Variants in CELA3B observed in about 807,000 individuals in gnomAD.
CELA3B encodes chymotrypsin like elastase 3B, also known as chymotrypsin-like elastase family member 3B.
Under a neutral mutation model 37.2 loss-of-function variants are expected in CELA3B, and 34 were observed. That is an observed-to-expected ratio of 0.91 (90% CI 0.70 to 1.22). The LOEUF (loss-of-function observed/expected upper bound fraction) is 1.22. Among genes scored for constraint, CELA3B ranks in the 50% most tolerant of loss-of-function variants. CELA3B has a pLI of 0.00. For missense variants in CELA3B, 340 were observed against 363.1 expected (o/e 0.94, Z 0.52); for synonymous variants, 127 against 143.5 (o/e 0.89, Z 0.82).
intron 4 of CELA3B, among the ~76,000 whole-genome samples, chr1:21,997,579 C>G (rs1259860441): frequency 6.7e-6 from 1 of 149,702 alleles, no homozygotes. Flanking sequence ...TCCCAGCTAC[C>G]TGGGAGGCTG....
chr1:21,988,969 GTA>G (rs200514403), intron 7 of CELA3B, among the ~76,000 whole-genome samples: 1 of 151,356 alleles, frequency 6.6e-6, no homozygotes, highest in African/African-American at 2.4e-5. Context: ...ACACACAGAC[GTA>G]TATATATACA....
intron 7 of CELA3B, among the ~76,000 whole-genome samples, chr1:21,988,855 A>G (rs1248365328): frequency 1.3e-5 from 2 of 151,078 alleles, no homozygotes; most frequent in Non-Finnish European, 3.0e-5. Flanking sequence ...GTGCCACTGC[A>G]CTCCAGCCTG....
At chr1:21,982,646 A>T (rs1644812261) in intron 4 of CELA3B, among the ~76,000 whole-genome samples, 1 of 151,992 alleles carries the variant, frequency 6.6e-6, no homozygotes, top group Non-Finnish European at 1.5e-5. Flanking sequence ...TGCATCAGAA[A>T]TTGGGGTGGG....
At chr1:21,986,384 AAAAT>A in intron 6 of CELA3B, 143 bp from the exon 7 acceptor site, 1 of 1,109,752 alleles carries the variant, frequency 9.0e-7, no homozygotes, top group Non-Finnish European at 1.3e-6. Context: ...TAAAAAAATA[AAAAT>A]AATAAATGAT....
rs556244770 is a variant in CELA3B, at chr1:21,979,165, C to T, written c.129+711C>T. 5.2e-3 allele frequency among the ~76,000 whole-genome samples: 781 copies of T among 151,040 alleles called. 5 individuals are homozygous for T. The highest frequency in any genetic ancestry group is 0.018 in the African/African-American group (732 of 41,236). On this transcript the variant is annotated intron_variant, in intron 2 of 7. Coordinates refer to ENST00000337107, the MANE Select transcript of CELA3B (RefSeq NM_007352.4). ...TTGGCTCACTGCAACCTCTGCCACC[C>T]GGGTTCAAGCGATTCTCCTACCTCA...
intron 1 of CELA3B, chr1:21,977,989 GT>G (rs1379680239): frequency 6.9e-5 from 24 of 347,350 alleles, no homozygotes; most frequent in Non-Finnish European, 1.2e-4. Flanking sequence ...GATTACAGGT[GT>G]GAACCACCAC....
intron 4 of CELA3B, among the ~76,000 whole-genome samples, chr1:21,997,574 G>A (rs1489177959): frequency 1.3e-5 from 2 of 150,542 alleles, no homozygotes; most frequent in African/African-American, 4.9e-5. Context: ...TGTAATCCCA[G>A]CTACCTGGGA....
intron 4 of CELA3B, among the ~76,000 whole-genome samples, chr1:21,994,889 C>G (rs533776966): frequency 6.7e-6 from 1 of 148,522 alleles, no homozygotes; most frequent in African/African-American, 2.5e-5. Context: ...GCAGTCCCAG[C>G]GACTCGGCAG....
chr1:21,985,510 T>G (rs1478684017), intron 6 of CELA3B, among the ~76,000 whole-genome samples: 1 of 151,832 alleles, frequency 6.6e-6, no homozygotes, highest in South Asian at 2.1e-4. Flanking sequence ...ACTCTTGGGC[T>G]CAAGTGATCC....
downstream of CELA3B, among the ~76,000 whole-genome samples, chr1:21,994,148 T>C (rs1314585299): frequency 6.6e-6 from 1 of 151,158 alleles, no homozygotes; most frequent in Non-Finnish European, 1.5e-5. Context: ...CTTAGATTTA[T>C]TCCTTGCTGT....
At chr1:21,979,010 G>A (rs1008982793) in intron 2 of CELA3B, among the ~76,000 whole-genome samples, 69 of 150,708 alleles carry the variant, frequency 4.6e-4, no homozygotes, top group African/African-American at 1.6e-3. Context: ...TCGCACCACT[G>A]CACTCCAGCC....
At chr1:21,996,756 C>G (rs1644892339) in intron 4 of CELA3B, among the ~76,000 whole-genome samples, 1 of 150,838 alleles carries the variant, frequency 6.6e-6, no homozygotes, top group Non-Finnish European at 1.5e-5. Context: ...TGCCATTGCT[C>G]AATAACCTCC....
chr1:21,977,610 T>C (rs1644779807), intron 1 of CELA3B, among the ~76,000 whole-genome samples: 2 of 152,228 alleles, frequency 1.3e-5, no homozygotes, highest in Admixed American at 1.3e-4. Flanking sequence ...CTTTCTCATG[T>C]AATTCTCACA....
At chr1:21,986,174 A>C (rs10917098) in intron 6 of CELA3B, among the ~76,000 whole-genome samples, 1 of 150,286 alleles carries the variant, frequency 6.7e-6, no homozygotes, top group Non-Finnish European at 1.5e-5. Flanking sequence ...TTTGAGACTA[A>C]CCTGGCCAAC....
rs544869042 is a variant in CELA3B, at chr1:21,996,069, C to T, written c.505-2082C>T. 2.0e-5 allele frequency among the ~76,000 whole-genome samples: 3 copies of T among 151,062 alleles called. No homozygotes were observed. In the East Asian group the frequency reaches 5.9e-4, roughly 30 times the overall value. On this transcript the variant is annotated intron_variant, in intron 4 of 4. Transcript: ENST00000400277. ...TCTCTACACAAATACAAAAATTAGCCGGGCGTGGTGGCACATGCCTGTAGT... is the reference window on the plus strand; with the variant it reads ...TCTCTACACAAATACAAAAATTAGCTGGGCGTGGTGGCACATGCCTGTAGT...
chr1:21,989,878 CTCTTAG>C (rs1644863052), downstream of CELA3B, among the ~76,000 whole-genome samples: 1 of 150,580 alleles, frequency 6.6e-6, no homozygotes, highest in Non-Finnish European at 1.5e-5. Flanking sequence ...AAAGATAGCT[CTCTTAG>C]TCTGTGTTCA....
At chr1:21,993,259 GA>G (rs1186986776), downstream of CELA3B, among the ~76,000 whole-genome samples, 3 of 151,172 alleles carry the variant, frequency 2.0e-5, no homozygotes, top group Non-Finnish European at 4.4e-5. Flanking sequence ...TCAGGAGTTC[GA>G]GACCAGACTG....
At chr1:21,985,012 C>T (rs372401915) in intron 6 of CELA3B, among the ~76,000 whole-genome samples, 1 of 151,714 alleles carries the variant, frequency 6.6e-6, no homozygotes. Context: ...GGGCACAGTC[C>T]CTCATGCCTA....
intron 1 of CELA3B, among the ~76,000 whole-genome samples, 197 bp downstream of exon 1, chr1:21,977,279 A>T (rs925107709): frequency 1.4e-4 from 21 of 152,002 alleles, no homozygotes; most frequent in Non-Finnish European, 2.6e-4. Context: ...CCGTGGATGG[A>T]GAAAGACCCC....
Sources: allele counts gnomAD v4.1 joint callset (sites outside exome capture counted in the v4.1 genomes callset), GRCh38; gene constraint gnomAD v4.1.1; transcripts MANE v1.5; gene names NCBI Gene and HGNC (gene_info 2026-07-23, HGNC 2026-07-21).